CDH12: variants seen among roughly 807,000 people sequenced by gnomAD.
CDH12 encodes the protein cadherin-12.
In CDH12, 41 loss-of-function variants were observed where a neutral mutation model predicts 74.1. The ratio of observed to expected loss-of-function variants is 0.55; its 90% CI spans 0.43 to 0.72. CDH12 has a LOEUF of 0.72. Ranked by LOEUF, CDH12 falls within the 30% of genes least tolerant of loss-of-function variation. CDH12 has a pLI of 0.00. For missense variants in CDH12, 945 were observed against 977.2 expected (o/e 0.97, Z 0.44); for synonymous variants, 399 against 355.0 (o/e 1.12, Z -1.39).
At position 22,399,980 on chromosome 5, in the gene CDH12, A is replaced by G. The variant is rs567369116; in HGVS notation, c.-333+5277T>C. ...GCCAGAACCTCACTGGCCTGACCAGAGAACAATGATTCCTGTTTTATTAAA... is the reference window on the plus strand; with the variant it reads ...GCCAGAACCTCACTGGCCTGACCAGGGAACAATGATTCCTGTTTTATTAAA... On this transcript the variant is annotated intron_variant, in intron 3 of 14. Coordinates refer to ENST00000382254, the MANE Select transcript of CDH12 (RefSeq NM_004061.5). Among the ~76,000 whole-genome samples, 6 of 152,308 alleles carry G rather than the reference A, an allele frequency of 3.9e-5. No individual in the cohort carries two copies. In the South Asian group the frequency reaches 1.2e-3, roughly 32 times the overall value.
intron 5 of CDH12, among the ~76,000 whole-genome samples, chr5:22,054,204 T>G (rs1197518302): frequency 1.3e-5 from 2 of 152,022 alleles, no homozygotes; most frequent in Non-Finnish European, 2.9e-5. Context: ...TCAAGAAACT[T>G]TTTTAGAAAC....
At chr5:22,389,883 C>G (rs533295661) in intron 3 of CDH12, among the ~76,000 whole-genome samples, 1 of 151,894 alleles carries the variant, frequency 6.6e-6, no homozygotes, top group Non-Finnish European at 1.5e-5. Context: ...CTCCTGACCT[C>G]GTGATCTGCC....
intron 1 of CDH12, among the ~76,000 whole-genome samples, chr5:22,838,936 C>T (rs1053109211): frequency 2.0e-5 from 3 of 152,104 alleles, no homozygotes; most frequent in Non-Finnish European, 4.4e-5. Context: ...CTCAGCCTCC[C>T]AAAGTGCTGG....
intron 1 of CDH12, among the ~76,000 whole-genome samples, chr5:22,605,082 T>C (rs1737032701): frequency 6.6e-6 from 1 of 152,104 alleles, no homozygotes; most frequent in Non-Finnish European, 1.5e-5. Flanking sequence ...AAGACTACCC[T>C]CTATAATTTG....
chr5:22,745,309 C>T (rs1483393735), intron 1 of CDH12, among the ~76,000 whole-genome samples: 1 of 151,856 alleles, frequency 6.6e-6, no homozygotes, highest in African/African-American at 2.4e-5. Context: ...TAAAGATCAC[C>T]TTGGGAAGAT....
intron 3 of CDH12, among the ~76,000 whole-genome samples, chr5:22,220,375 G>T (rs1214737040): frequency 2.0e-5 from 3 of 150,948 alleles, no homozygotes; most frequent in African/African-American, 7.3e-5. Context: ...TCCCATAAAT[G>T]AATGCATCTA....
chr5:22,365,267 A>G (rs892471595), intron 3 of CDH12, among the ~76,000 whole-genome samples: 2 of 152,208 alleles, frequency 1.3e-5, no homozygotes, highest in Admixed American at 1.3e-4. Context: ...AAGTATAAGC[A>G]GCTTTTCAAA....
At chr5:22,425,961 A>G (rs11948247) in intron 2 of CDH12, among the ~76,000 whole-genome samples, 82,708 of 151,522 alleles carry the variant, frequency 0.55, 23,179 homozygotes, top group African/African-American at 0.67. Context: ...GGCTGAGGTG[A>G]GCGGATCACA....
chr5:22,030,506 C>T (rs1738741888), intron 5 of CDH12, among the ~76,000 whole-genome samples: 1 of 152,062 alleles, frequency 6.6e-6, no homozygotes, highest in Non-Finnish European at 1.5e-5. Flanking sequence ...GCTTACAATA[C>T]CTAGTAAGTT....
At chr5:22,470,349 GT>G (rs747080468) in intron 2 of CDH12, among the ~76,000 whole-genome samples, 3 of 151,674 alleles carry the variant, frequency 2.0e-5, no homozygotes, top group Non-Finnish European at 4.4e-5. Context: ...AAAATTTTTA[GT>G]TTTTTTCTCC....
intron 5 of CDH12, among the ~76,000 whole-genome samples, chr5:22,065,747 T>C (rs1741511664): frequency 6.6e-6 from 1 of 152,030 alleles, no homozygotes; most frequent in African/African-American, 2.4e-5. Flanking sequence ...AATTGGGAAA[T>C]GTAAATGCAA....
chr5:22,393,280 G>A (rs1016928445), intron 3 of CDH12, among the ~76,000 whole-genome samples: 1 of 152,102 alleles, frequency 6.6e-6, no homozygotes, highest in South Asian at 2.1e-4. Flanking sequence ...GAGTGAAGTG[G>A]CCATAAGCCA....
rs530213292 is a variant in CDH12 at position 22,698,852 on chromosome 5, C to G, written c.-523+154206G>C. 4.0e-5 allele frequency among the ~76,000 whole-genome samples: 6 copies of G among 150,076 alleles called. No homozygotes were observed. The South Asian group carries it at 1.3e-3, about 32-fold the overall frequency. On this transcript the variant is annotated intron_variant, in intron 1 of 14. Transcript: ENST00000382254. ...AAACTAAATAATTCTCATGAACATG[C>G]TTTATGGTGGGAAAATGGTGATGAG...
chr5:22,068,174 A>G (rs1003340453), intron 5 of CDH12, among the ~76,000 whole-genome samples: 6 of 152,144 alleles, frequency 3.9e-5, no homozygotes, highest in Non-Finnish European at 5.9e-5. Context: ...TCATCAAATG[A>G]AAGTGGCATA....
intron 1 of CDH12, among the ~76,000 whole-genome samples, chr5:22,823,154 G>A (rs981416864): frequency 2.0e-5 from 3 of 148,252 alleles, no homozygotes; most frequent in Non-Finnish European, 4.4e-5. Flanking sequence ...AACACCGCAT[G>A]TTCTCACTCA....
At position 22,078,370 on chromosome 5, in the gene CDH12, C is replaced by T. The variant is rs77210599; in HGVS notation, c.231+76G>A. On this transcript the variant is annotated intron_variant, in intron 5 of 14. Transcript: ENST00000382254. ...GTCACTGGTTTGTTCAACTCCTGTG[C>T]AAAACATCCATACAAAATACACAAT... is the stretch of plus-strand genomic sequence containing the variant. 544 of 1,322,736 alleles carry T rather than the reference C, an allele frequency of 4.1e-4. 4 individuals carry two copies. In the African/African-American group the frequency reaches 6.8e-3, roughly 17 times the overall value. 81.9% of individuals were successfully genotyped at this position (1,322,736 alleles called of 1,614,324 possible).
At chr5:22,332,928 A>G (rs1739409872) in intron 3 of CDH12, among the ~76,000 whole-genome samples, 1 of 152,214 alleles carries the variant, frequency 6.6e-6, no homozygotes. Context: ...AGGATCTAGA[A>G]CCAGAAATAT....
At chr5:22,772,948 G>A (rs1373015411) in intron 1 of CDH12, among the ~76,000 whole-genome samples, 2 of 152,014 alleles carry the variant, frequency 1.3e-5, no homozygotes, top group African/African-American at 4.8e-5. Flanking sequence ...AACGAACCAA[G>A]GAGGTGAAAG....
chr5:22,020,417 G>C lies in CDH12; in HGVS notation c.232-45032C>G, dbSNP rs144145551. ...AAAAATACAAAAACTAGCCAGACAT[G>C]GTGGTGCAAGCCTGTAATCTCTGCT... On this transcript the variant is annotated intron_variant, in intron 5 of 14. Transcript: ENST00000382254. Among the ~76,000 whole-genome samples the C allele has an allele frequency of 4.6e-3, 701 of 152,132 alleles. 9 individuals are homozygous for C. The highest frequency in any genetic ancestry group is 0.016 in the African/African-American group (671 of 41,522).
Sources: gnomAD v4.1 joint callset for allele counts (sites outside exome capture counted in the v4.1 genomes callset) on GRCh38, gnomAD v4.1.1 for gene constraint, MANE v1.5 for transcripts, NCBI Gene and HGNC (gene_info 2026-07-23, HGNC 2026-07-21) for gene names.